The following ATXN7L1 variants were observed in gnomAD, a reference collection of about 807,000 sequenced individuals.
ATXN7L1 encodes ataxin-7-like protein 1.
In ATXN7L1, 15 loss-of-function variants were observed where a neutral mutation model predicts 70.8. The ratio of observed to expected loss-of-function variants is 0.21; its 90% CI spans 0.14 to 0.33. The LOEUF is 0.33. ATXN7L1 is among the 10% of genes least tolerant of loss of function. The pLI is 1.00. For missense variants in ATXN7L1, 975 were observed against 1,097.1 expected (o/e 0.89, Z 1.57); for synonymous variants, 440 against 445.1 (o/e 0.99, Z 0.14).
chr7:105,678,511 G>C (rs1386047817), intron 3 of ATXN7L1, among the ~76,000 whole-genome samples: 2 of 151,998 alleles, frequency 1.3e-5, no homozygotes, highest in African/African-American at 4.8e-5. Flanking sequence ...CAGGAAAGAA[G>C]GAAAAAACCA....
chr7:105,849,779 A>T (rs1334421709), intron 2 of ATXN7L1, among the ~76,000 whole-genome samples: 1 of 152,190 alleles, frequency 6.6e-6, no homozygotes, highest in Non-Finnish European at 1.5e-5. Context: ...CCTGCTTCCC[A>T]TCTGAACTTA....
intron 8 of ATXN7L1, among the ~76,000 whole-genome samples, chr7:105,620,925 C>T (rs150024574): frequency 1.3e-5 from 2 of 150,672 alleles, no homozygotes; most frequent in African/African-American, 2.4e-5. Context: ...CAACAACCAA[C>T]ACCCAGGGTG....
At chr7:105,861,444 G>A (rs1816622445) in intron 2 of ATXN7L1, among the ~76,000 whole-genome samples, 1 of 151,456 alleles carries the variant, frequency 6.6e-6, no homozygotes, top group Non-Finnish European at 1.5e-5. Flanking sequence ...ATGGAGAGGT[G>A]CAGGGAATTG....
chr7:105,779,968 C>CA (rs1424407879), intron 3 of ATXN7L1, among the ~76,000 whole-genome samples: 1 of 152,000 alleles, frequency 6.6e-6, no homozygotes, highest in Non-Finnish European at 1.5e-5. Context: ...ACTTAATTGA[C>CA]AAAAAAACCC....
chr7:105,827,547 T>TA (rs1477462745), intron 2 of ATXN7L1, among the ~76,000 whole-genome samples: 5 of 152,146 alleles, frequency 3.3e-5, no homozygotes, highest in Non-Finnish European at 7.3e-5. Flanking sequence ...AGGTTGAAAA[T>TA]ACAGTATTTG....
intron 3 of ATXN7L1, among the ~76,000 whole-genome samples, chr7:105,694,697 G>A (rs1221877429): frequency 2.0e-5 from 3 of 152,198 alleles, no homozygotes; most frequent in Non-Finnish European, 4.4e-5. Flanking sequence ...CAAGTAAACT[G>A]GGATTTGGAG....
At chr7:105,642,336 C>G (rs1017825094) in intron 5 of ATXN7L1, among the ~76,000 whole-genome samples, 2 of 152,222 alleles carry the variant, frequency 1.3e-5, no homozygotes, top group African/African-American at 4.8e-5. Flanking sequence ...GTAAACTCAA[C>G]TGCAGAATTA....
intron 2 of ATXN7L1, among the ~76,000 whole-genome samples, chr7:105,797,943 G>C (rs1189592419): frequency 3.3e-5 from 5 of 152,194 alleles, no homozygotes; most frequent in Non-Finnish European, 7.3e-5. Flanking sequence ...TTAATCAATG[G>C]TAATATGTTA....
intron 10 of ATXN7L1, among the ~76,000 whole-genome samples, chr7:105,613,162 A>C (rs1400296492): frequency 1.3e-5 from 2 of 152,228 alleles, no homozygotes; most frequent in South Asian, 4.1e-4. Flanking sequence ...AACAGAGCTC[A>C]AGGGAAAGAA....
At chr7:105,613,834 G>C (rs551724579) in intron 10 of ATXN7L1, 28 bp downstream of exon 10, 12 of 1,551,796 alleles carry the variant, frequency 7.7e-6, no homozygotes, top group Non-Finnish European at 9.6e-6. Context: ...CCCAGAGCCG[G>C]TGAAGGCGGT....
chr7:105,648,419 C>T (rs186876125), intron 4 of ATXN7L1, among the ~76,000 whole-genome samples: 3 of 152,310 alleles, frequency 2.0e-5, no homozygotes, highest in Non-Finnish European at 2.9e-5. Context: ...CCAGTATACA[C>T]GCTAGCCATC....
intron 3 of ATXN7L1, among the ~76,000 whole-genome samples, chr7:105,780,599 C>G (rs1223997946): frequency 6.6e-6 from 1 of 151,006 alleles, no homozygotes. Context: ...TTATCTCTGT[C>G]TGATGGGCGG....
At chr7:105,691,992 T>C (rs1425577935) in intron 3 of ATXN7L1, among the ~76,000 whole-genome samples, 1 of 152,230 alleles carries the variant, frequency 6.6e-6, no homozygotes, top group Non-Finnish European at 1.5e-5. Flanking sequence ...TTTTGTTAAC[T>C]GTTTATGCAA....
intron 4 of ATXN7L1, among the ~76,000 whole-genome samples, chr7:105,654,390 A>G (rs1800300452): frequency 6.6e-6 from 1 of 152,242 alleles, no homozygotes; most frequent in East Asian, 1.9e-4. Context: ...TCTATCCCCA[A>G]TTTCATAGAT....
chr7:105,856,297 G>A (rs375100099), intron 2 of ATXN7L1, among the ~76,000 whole-genome samples: 3 of 152,268 alleles, frequency 2.0e-5, no homozygotes, highest in African/African-American at 7.2e-5. Context: ...CTACAAAAAA[G>A]AATTTAGGCT....
chr7:105,655,277 C>A (rs1404387054), intron 4 of ATXN7L1, among the ~76,000 whole-genome samples: 1 of 152,192 alleles, frequency 6.6e-6, no homozygotes, highest in African/African-American at 2.4e-5. Flanking sequence ...CCCCCAGCCG[C>A]AGCCCCCACA....
At chr7:105,639,437 A>C in intron 6 of ATXN7L1, 50 bp downstream of exon 6, 1 of 1,450,444 alleles carries the variant, frequency 6.9e-7, no homozygotes, top group Non-Finnish European at 9.5e-7. Context: ...AAACATTTCG[A>C]CAAAGGCCCC....
At chr7:105,648,010 G>A (rs629104) in intron 4 of ATXN7L1, among the ~76,000 whole-genome samples, 2,543 of 152,306 alleles carry the variant, frequency 0.017, 61 homozygotes, top group African/African-American at 0.057. Flanking sequence ...ACAGCCTCAC[G>A]TGCAGTCCTC....
At chr7:105,698,375 A>C (rs1300174051) in intron 3 of ATXN7L1, among the ~76,000 whole-genome samples, 2 of 152,036 alleles carry the variant, frequency 1.3e-5, no homozygotes, top group Non-Finnish European at 2.9e-5. Context: ...TTTAAAAATA[A>C]ATTTTTTGAG....
Sources: allele counts gnomAD v4.1 joint callset (sites outside exome capture counted in the v4.1 genomes callset), GRCh38; gene constraint gnomAD v4.1.1; transcripts MANE v1.5; gene names NCBI Gene and HGNC (gene_info 2026-07-23, HGNC 2026-07-21).